GPC6: variants seen among roughly 807,000 people sequenced by gnomAD.
The protein encoded by GPC6 is glypican 6, also known as glypican-6.
A neutral mutation model predicts 55.2 loss-of-function variants in GPC6; 14 were observed. That is an observed-to-expected ratio of 0.25 (90% CI 0.17 to 0.40). The LOEUF is 0.40. Among genes scored for constraint, GPC6 ranks in the 10% least tolerant of loss-of-function variants. The pLI is 1.00. For synonymous variants in GPC6, 278 were observed against 259.6 expected (o/e 1.07, Z -0.68); for missense variants, 641 against 708.5 (o/e 0.90, Z 1.08).
intron 4 of GPC6, among the ~76,000 whole-genome samples, chr13:94,209,649 A>G (rs1187212033): frequency 1.4e-5 from 2 of 142,638 alleles, no homozygotes; most frequent in South Asian, 2.1e-4. Context: ...ACAATACCAG[A>G]AAAATGAACT....
At chr13:93,532,054 A>T (rs1881889498) in intron 1 of GPC6, among the ~76,000 whole-genome samples, 2 of 152,188 alleles carry the variant, frequency 1.3e-5, no homozygotes, top group Admixed American at 6.5e-5. Context: ...TTCCCTTGAA[A>T]ATTTTAAATC....
chr13:93,542,616 G>T, intron 1 of GPC6, among the ~76,000 whole-genome samples: 1 of 152,168 alleles, frequency 6.6e-6, no homozygotes, highest in East Asian at 1.9e-4. Context: ...ATCTTGGGCA[G>T]TATGGCCATT....
chr13:94,382,298 A>C (rs1880192272), intron 6 of GPC6, 116 bp from the exon 7 acceptor site: 2 of 1,088,414 alleles, frequency 1.8e-6, no homozygotes, highest in African/African-American at 1.5e-5. Context: ...AAACTGTTAA[A>C]GAGTTCCTGC....
At chr13:93,792,249 T>C (rs760144519) in intron 2 of GPC6, among the ~76,000 whole-genome samples, 2 of 152,266 alleles carry the variant, frequency 1.3e-5, no homozygotes, top group Non-Finnish European at 2.9e-5. Context: ...TTTCTAACTC[T>C]AAGGTAGTAG....
intron 4 of GPC6, among the ~76,000 whole-genome samples, chr13:94,175,495 T>C (rs747018332): frequency 6.6e-6 from 1 of 152,134 alleles, no homozygotes; most frequent in African/African-American, 2.4e-5. Context: ...AGTCATTTGC[T>C]AAAAAGACTG....
intron 1 of GPC6, among the ~76,000 whole-genome samples, chr13:93,439,950 T>C (rs1439620613): frequency 6.6e-6 from 1 of 152,198 alleles, no homozygotes; most frequent in Non-Finnish European, 1.5e-5. Flanking sequence ...AATAGTTTTA[T>C]TGTAAATGTT....
At chr13:93,601,853 G>A (rs545966778) in intron 2 of GPC6, among the ~76,000 whole-genome samples, 6 of 152,262 alleles carry the variant, frequency 3.9e-5, no homozygotes, top group Non-Finnish European at 7.3e-5. Flanking sequence ...GAACTGCCGA[G>A]TAAACTGTAT....
intron 7 of GPC6, among the ~76,000 whole-genome samples, chr13:94,396,279 T>C (rs1880894158): frequency 6.6e-6 from 1 of 152,186 alleles, no homozygotes; most frequent in South Asian, 2.1e-4. Context: ...CACAGACAAA[T>C]ATAGCACCTT....
chr13:93,883,376 G>C (rs1875117362), intron 3 of GPC6, among the ~76,000 whole-genome samples: 1 of 152,096 alleles, frequency 6.6e-6, no homozygotes, highest in Non-Finnish European at 1.5e-5. Context: ...ATGGGCTGTA[G>C]TGTAATTGTC....
At position 93,934,559 on chromosome 13, in the gene GPC6, C is replaced by T. The variant is rs182415113; in HGVS notation, c.712-93170C>T. ...ACCTCTACCTAGTCTGAAAGATTTT[C>T]ATCGCTGCAACAGGGAAATGCATTT... is the stretch of plus-strand genomic sequence containing the variant. On this transcript the variant is annotated intron_variant, in intron 3 of 8. Coordinates refer to ENST00000377047, the MANE Select transcript of GPC6 (RefSeq NM_005708.5). Among the ~76,000 whole-genome samples the T allele has an allele frequency of 1.5e-3, 235 of 152,284 alleles. 3 individuals are homozygous for T. Among genetic ancestry groups the T allele is most frequent in the East Asian group, 9.7e-4 (5 of 5,174 alleles).
chr13:93,983,784 T>A (rs200825746), intron 3 of GPC6, among the ~76,000 whole-genome samples: 5 of 144,794 alleles, frequency 3.5e-5, no homozygotes, highest in Non-Finnish European at 1.5e-5. Context: ...ATATTTTTGT[T>A]AAAAAAAAAA....
chr13:93,453,595 C>T (rs901264193), intron 1 of GPC6, among the ~76,000 whole-genome samples: 1 of 123,480 alleles, frequency 8.1e-6, no homozygotes, highest in African/African-American at 2.8e-5. Flanking sequence ...TTTGTTCCTT[C>T]TGATGTTCGG....
chr13:93,643,656 A>G (rs1880054144), intron 2 of GPC6, among the ~76,000 whole-genome samples: 1 of 152,114 alleles, frequency 6.6e-6, no homozygotes, highest in Non-Finnish European at 1.5e-5. Flanking sequence ...CATTTTTCAC[A>G]TGAGAGTTTT....
intron 1 of GPC6, among the ~76,000 whole-genome samples, chr13:93,462,886 G>T (rs1878751293): frequency 6.6e-6 from 1 of 152,028 alleles, no homozygotes; most frequent in African/African-American, 2.4e-5. Flanking sequence ...CTTTTCCCGT[G>T]CCCTGCCCTC....
chr13:93,540,160 C>T (rs545039066), intron 1 of GPC6, among the ~76,000 whole-genome samples: 1 of 152,226 alleles, frequency 6.6e-6, no homozygotes, highest in East Asian at 1.9e-4. Flanking sequence ...AGGCTGGCTT[C>T]TAAAGGTCAA....
chr13:94,374,041 C>CT (rs1879715718), intron 6 of GPC6, among the ~76,000 whole-genome samples: 1 of 152,016 alleles, frequency 6.6e-6, no homozygotes, highest in African/African-American at 2.4e-5. Context: ...ACCAGTCCTG[C>CT]CCTAAAAGAG....
At chr13:93,296,254 T>C (rs1434446653) in intron 1 of GPC6, among the ~76,000 whole-genome samples, 1 of 152,210 alleles carries the variant, frequency 6.6e-6, no homozygotes, top group Non-Finnish European at 1.5e-5. Flanking sequence ...TCTAGTATAT[T>C]CTACCTCTGG....
chr13:94,140,868 G>T (rs1179529729), intron 4 of GPC6, among the ~76,000 whole-genome samples: 1 of 151,858 alleles, frequency 6.6e-6, no homozygotes, highest in Non-Finnish European at 1.5e-5. Flanking sequence ...ATTGTCAAGG[G>T]AAAGGACAAA....
At chr13:94,074,692 A>AT (rs1884847574) in intron 4 of GPC6, among the ~76,000 whole-genome samples, 1 of 152,194 alleles carries the variant, frequency 6.6e-6, no homozygotes, top group Admixed American at 6.5e-5. Context: ...CCTCCCTAAT[A>AT]TTTTGGAAGC....
Sources: allele counts gnomAD v4.1 joint callset (sites outside exome capture counted in the v4.1 genomes callset), GRCh38; gene constraint gnomAD v4.1.1; transcripts MANE v1.5; gene names NCBI Gene and HGNC (gene_info 2026-07-23, HGNC 2026-07-21).